Variants in TELO2 observed in about 807,000 individuals in gnomAD.
The protein encoded by TELO2 is telomere maintenance 2, also known as telomere length regulation protein TEL2 homolog.
TELO2 carries 71 observed loss-of-function variants against 91.0 expected under a neutral mutation model. The observed-to-expected ratio is 0.78, with a 90% CI of 0.64 to 0.95. The LOEUF (loss-of-function observed/expected upper bound fraction) is 0.95. Among genes scored for constraint, TELO2 ranks in the 40% least tolerant of loss-of-function variants. The pLI is 0.00. For synonymous variants in TELO2, 584 were observed against 518.9 expected, an observed-to-expected ratio of 1.13 and a Z score of -1.71; for missense variants, 1,183 against 1,141.3, an observed-to-expected ratio of 1.04 and a Z score of -0.53.
At chr16:1,501,985 T>C (rs1240813857) in intron 11 of TELO2, 62 bp from the exon 12 acceptor site, 1 of 1,604,598 alleles carries the variant, frequency 6.2e-7, no homozygotes, top group Non-Finnish European at 8.5e-7. Context: ...GGGCTGGCTC[T>C]GCCGTTGGGC....
Position 1,509,863 on chromosome 16 carries a change from G to A in TELO2, c.2441G>A (p.Arg814Lys), listed in dbSNP as rs759124570. ...VAEKDPDEDC[R>K]TLALRALLLL... ...GAGAAAGACCCGGACGAGGACTGCA[G>A]GACGCTGGCACTGAGGGCCCTGCTG... Residue 814 changes from arginine (R) to lysine (K), a missense_variant, in exon 21 of 21, where the codon AGG (arginine) becomes AAG (lysine). Arg to Lys is a conservative substitution (Grantham distance 26, BLOSUM62 2). Transcript: ENST00000262319. 1 of 1,612,560 alleles carries A rather than the reference G, an allele frequency of 6.2e-7. No homozygotes were observed. The highest frequency in any genetic ancestry group is 8.5e-7 in the Non-Finnish European group (1 of 1,179,754).
Position 1,497,537 on chromosome 16 carries a change from A to T in TELO2, c.830+29A>T. The T allele has an allele frequency of 1.3e-6, 2 of 1,533,160 alleles. No homozygotes were observed. Among genetic ancestry groups the T allele is most frequent in the South Asian group, 1.2e-5 (1 of 83,574 alleles). 95.0% of individuals were successfully genotyped at this position (1,533,160 alleles called of 1,614,324 possible). ...AGCAGCCAGGCTGTCCTCCAGCTGC[A>T]CTGGCTTCTGGGGTCTGGACCCCCA... On this transcript the variant is annotated intron_variant, in intron 5 of 20. Coordinates refer to ENST00000262319, the MANE Select transcript of TELO2 (RefSeq NM_016111.4). The surrounding 1 kb of genome is among the most constrained non-coding windows in gnomAD (Gnocchi z 4.0).
chr16:1,506,878 C>A, intron 17 of TELO2, 74 bp from the exon 18 acceptor site: 1 of 1,489,554 alleles, frequency 6.7e-7, no homozygotes, highest in Admixed American at 2.2e-5. Context: ...CCTCGGTCTC[C>A]CACGGTGGCC....
chr16:1,505,395 C>G lies in TELO2; in HGVS notation c.1843-15C>G. 6.2e-7 allele frequency: 1 copy of G among 1,603,150 alleles called. No homozygotes were observed. Among genetic ancestry groups the G allele is most frequent in the Non-Finnish European group, 8.5e-7 (1 of 1,172,514 alleles). On this transcript the variant is annotated splice_polypyrimidine_tract_variant and intron_variant, in intron 15 of 20. Transcript: ENST00000262319. The surrounding 1 kb of genome is among the most constrained non-coding windows in gnomAD (Gnocchi z 4.3). ...CTGGAGCAGTGGCGACGGCCCTGGG[C>G]CTGTCTCCCTCCAGGTGCTGACTCT...
rs776868697 is a variant in TELO2 at position 1,497,398 on chromosome 16, G to A, written c.720G>A (p.Ala240=). Residue 240 remains alanine, a synonymous_variant, in exon 5 of 21, where the codon GCG becomes GCA. Coordinates refer to ENST00000262319, the MANE Select transcript of TELO2 (RefSeq NM_016111.4). This position sits in a 1 kb window ranked among gnomAD's most constrained non-coding sequence, Gnocchi z 4.0. ...ILGVLVPRLA[A]LTQGSYLHQR... is the part of the protein sequence containing the mutation. ...GCGTGCTGGTACCCCGGCTGGCAGC[G>A]CTCACCCAGGGCAGCTACCTGCACC... is the stretch of plus-strand genomic sequence containing the variant. 1.1e-5 allele frequency: 17 copies of A among 1,550,860 alleles called. No homozygotes were observed. The highest frequency in any genetic ancestry group is 2.4e-5 in the East Asian group (1 of 41,022).
chr16:1,507,637 C>A lies in TELO2; in HGVS notation c.2328C>A (p.Ser776=). The part of the protein sequence containing the change: ...VRQGLLSAVS[S]VLLSLPAARL... ...AGGGGCTGTTGTCGGCCGTCTCCTC[C>A]GTCCTGCTCAGCCTGCCTGCTGCGC... Residue 776 remains serine, a synonymous_variant, in exon 20 of 21, where the codon TCC becomes TCA. Coordinates refer to ENST00000262319, the MANE Select transcript of TELO2 (RefSeq NM_016111.4). 1 of 1,599,058 alleles carries A rather than the reference C, an allele frequency of 6.3e-7. No individual in the cohort carries two copies. Among genetic ancestry groups the A allele is most frequent in the Non-Finnish European group, 8.5e-7 (1 of 1,179,206 alleles).
Position 1,494,563 on chromosome 16 carries a change from C to T in TELO2, c.282C>T (p.Gly94=), listed in dbSNP as rs747348625. Residue 94 remains glycine, a synonymous_variant, in exon 2 of 21, where the codon GGC becomes GGT. Transcript: ENST00000262319. This position sits in a 1 kb window ranked among gnomAD's most constrained non-coding sequence, Gnocchi z 5.6. ...EELWASFFLE[G]PADQAFLVLM... Reference sequence around the variant, plus strand: ...TGTGGGCCAGCTTCTTCCTGGAGGGCCCGGCGGACCAAGCCTTCCTGGTGT... The same window carrying T: ...TGTGGGCCAGCTTCTTCCTGGAGGGTCCGGCGGACCAAGCCTTCCTGGTGT... The T allele has an allele frequency of 1.2e-6, 2 of 1,613,464 alleles. No individual in the cohort carries two copies. The highest frequency in any genetic ancestry group is 4.5e-5 in the East Asian group (2 of 44,868).
Position 1,500,364 on chromosome 16 carries a change from G to A in TELO2, c.1020G>A (p.Leu340=), listed in dbSNP as rs746631469. The change falls in exon 8 of 21, where the codon TTG becomes TTA. Residue 340 remains leucine (L), a synonymous_variant. Transcript: ENST00000262319. ...PLLLQVLKEL[L]ETWGSSSAIR... is the part of the protein sequence containing the mutation. The stretch of plus-strand genomic sequence containing the variant: ...ACCTGCAGGTGCTGAAGGAGCTGTT[G>A]GAGACGTGGGGCAGCAGCAGTGCCA... The A allele has an allele frequency of 8.8e-6, 14 of 1,593,454 alleles. No individual in the cohort carries two copies. The highest frequency in any genetic ancestry group is 8.5e-6 in the Non-Finnish European group (10 of 1,172,020).
At chr16:1,499,128 GGCCGGGAGTCAGGCC>G in intron 5 of TELO2, 88 bp from the exon 6 acceptor site, 1 of 1,181,650 alleles carries the variant, frequency 8.5e-7, no homozygotes, top group East Asian at 2.4e-5. Flanking sequence ...GGAATTGGCA[GGCCGGGAGTCAGGCC>G]GCCGTCTGTG....
At chr16:1,507,404 G>T (rs1188019655) in intron 19 of TELO2, 34 bp downstream of exon 19, 2 of 1,606,320 alleles carry the variant, frequency 1.2e-6, no homozygotes, top group Admixed American at 3.3e-5. Context: ...CAGGCCAGGG[G>T]TGCAGGCAGA....
At chr16:1,495,854 T>C (rs2039472882) in intron 3 of TELO2, among the ~76,000 whole-genome samples, 1 of 152,212 alleles carries the variant, frequency 6.6e-6, no homozygotes, top group Admixed American at 6.5e-5. Flanking sequence ...GTCCCTTGGG[T>C]TTCCAGGGCC....
At position 1,493,823 on chromosome 16, in the gene TELO2, G is replaced by A. The variant is rs992842812; in HGVS notation, c.-37+218G>A. Among the ~76,000 whole-genome samples, 8 of 152,228 alleles carry A rather than the reference G, an allele frequency of 5.3e-5. No homozygotes were observed. The highest frequency in any genetic ancestry group is 2.6e-4 in the Admixed American group (4 of 15,284). On this transcript the variant is annotated intron_variant, in intron 1 of 20. Coordinates refer to ENST00000262319, the MANE Select transcript of TELO2 (RefSeq NM_016111.4). This position sits in a 1 kb window ranked among gnomAD's most constrained non-coding sequence, Gnocchi z 4.3. ...TTGGTTTCTAAGGGGCGGAGGAATGGCGACTGGAGCCACCTCTCACCGCTC... is the reference window on the plus strand; with the variant it reads ...TTGGTTTCTAAGGGGCGGAGGAATGACGACTGGAGCCACCTCTCACCGCTC...
chr16:1,501,601 G>A, intron 10 of TELO2, 62 bp from the exon 11 acceptor site: 1 of 1,571,782 alleles, frequency 6.4e-7, no homozygotes, highest in Non-Finnish European at 8.7e-7. Flanking sequence ...TCTGTCCTGT[G>A]AGTCCTGAGA....
Position 1,507,069 on chromosome 16 carries a change from G to T in TELO2, c.2226+18G>T. The T allele has an allele frequency of 6.3e-7, 1 of 1,585,690 alleles. No individual in the cohort carries two copies. ...ACACCACGGTGAGCCGGGAGAGGTC[G>T]CCGGGCGCCGGCCTGTGCTAACCAT... On this transcript the variant is annotated intron_variant, in intron 18 of 20. Transcript: ENST00000262319.
Position 1,502,416 on chromosome 16 carries a change from G to C in TELO2, c.1653+12G>C. 1 of 1,582,920 alleles carries C rather than the reference G, an allele frequency of 6.3e-7. No homozygotes were observed. Among genetic ancestry groups the C allele is most frequent in the Non-Finnish European group, 8.6e-7 (1 of 1,166,374 alleles). On this transcript the variant is annotated intron_variant, in intron 13 of 20. Coordinates refer to ENST00000262319, the MANE Select transcript of TELO2 (RefSeq NM_016111.4). ...CAGCCACTCGGGAGGTGAGTGGGGG[G>C]CGGGAGTGGGTGGGGAGGCCCAAGA...
In TELO2 at chr16:1,502,703, G is replaced by C. The variant is rs1282248719; in HGVS notation, c.1712G>C (p.Gly571Ala). 4 of 1,612,776 alleles carry C rather than the reference G, an allele frequency of 2.5e-6. No individual in the cohort carries two copies. The Middle Eastern group carries it at 4.9e-4, about 200-fold the overall frequency. ...LHLEEKTCVV[G>A]FAGLRQRALV... is the part of the protein sequence containing the mutation. ...CTGGAGGAGAAGACCTGTGTGGTGGGATTTGCAGGGCTGCGCCAGAGAGCC... is the reference window on the plus strand; with the variant it reads ...CTGGAGGAGAAGACCTGTGTGGTGGCATTTGCAGGGCTGCGCCAGAGAGCC... Residue 571 changes from glycine to alanine, a missense_variant, in exon 14 of 21, where the codon GGA becomes GCA. Gly to Ala is a moderately conservative substitution (Grantham distance 60, BLOSUM62 0). Transcript: ENST00000262319.
At chr16:1,508,639 G>C (rs541609729) in intron 20 of TELO2, among the ~76,000 whole-genome samples, 2 of 152,156 alleles carry the variant, frequency 1.3e-5, no homozygotes, top group African/African-American at 4.8e-5. Flanking sequence ...TTCCTTTCCC[G>C]TGGGGCTGGG....
At chr16:1,506,102 C>A in intron 16 of TELO2, 136 bp from the exon 17 acceptor site, 1 of 924,730 alleles carries the variant, frequency 1.1e-6, no homozygotes, top group East Asian at 2.6e-5. Flanking sequence ...GGGAGCTGGG[C>A]GGGGCCGGAA....
intron 5 of TELO2, among the ~76,000 whole-genome samples, chr16:1,498,449 G>A (rs541666081): frequency 6.6e-6 from 1 of 152,008 alleles, no homozygotes; most frequent in African/African-American, 2.4e-5. Context: ...GGGGGGGATT[G>A]TTTTTAGAGA....
Sources: gnomAD v4.1 joint callset for allele counts (sites outside exome capture counted in the v4.1 genomes callset) on GRCh38, gnomAD v4.1.1 for gene constraint, Gnocchi (gnomAD v3.1) non-coding constraint, MANE v1.5 for transcripts, NCBI Gene and HGNC (gene_info 2026-07-23, HGNC 2026-07-21) for gene names.